Variants in DACH1 observed in about 807,000 individuals in gnomAD.
DACH1 encodes dachshund family transcription factor 1.
DACH1 carries 12 observed loss-of-function variants against 54.2 expected under a neutral mutation model. The observed-to-expected ratio is 0.22, with a 90% CI of 0.14 to 0.36. The LOEUF (loss-of-function observed/expected upper bound fraction) is 0.36, where lower values mean the gene tolerates loss of function less well. DACH1 is among the 10% of genes least tolerant of loss of function. DACH1 has a pLI of 1.00. For missense variants in DACH1, 805 were observed against 929.8 expected, an observed-to-expected ratio of 0.87 and a Z score of 1.75; for synonymous variants, 386 against 366.2, an observed-to-expected ratio of 1.05 and a Z score of -0.62.
chr13:71,694,902 A>C (rs1405582476), intron 1 of DACH1, among the ~76,000 whole-genome samples: 1 of 152,200 alleles, frequency 6.6e-6, no homozygotes, highest in Admixed American at 6.5e-5. Context: ...TATTTCACTT[A>C]ATTCAAGAAA....
At chr13:71,603,144 C>T (rs945884063) in intron 3 of DACH1, among the ~76,000 whole-genome samples, 1 of 151,882 alleles carries the variant, frequency 6.6e-6, no homozygotes, top group African/African-American at 2.4e-5. Flanking sequence ...TCACCACAAT[C>T]GTTGCTTTTT....
chr13:71,499,122 CACACACACACGCAG>C (rs1349114289), intron 6 of DACH1, among the ~76,000 whole-genome samples: 21 of 84,386 alleles, frequency 2.5e-4, no homozygotes, highest in African/African-American at 7.5e-4. Context: ...CACACACACA[CACACACACACGCAG>C]ACACACACAC....
chr13:71,461,185 G>A (rs2138139411), intron 10 of DACH1, among the ~76,000 whole-genome samples: 1 of 152,000 alleles, frequency 6.6e-6, no homozygotes, highest in South Asian at 2.1e-4. Context: ...TTTATCCTTT[G>A]CAATATTTAT....
At chr13:71,643,513 T>C (rs1878053110) in intron 2 of DACH1, among the ~76,000 whole-genome samples, 1 of 152,234 alleles carries the variant, frequency 6.6e-6, no homozygotes, top group South Asian at 2.1e-4. Context: ...ACGGAGTCTG[T>C]TGCATTATTC....
chr13:71,656,192 G>C (rs991218062), intron 2 of DACH1, among the ~76,000 whole-genome samples: 1 of 152,066 alleles, frequency 6.6e-6, no homozygotes, highest in African/African-American at 2.4e-5. Flanking sequence ...AACTACTTCA[G>C]ATGAGCCTTA....
At chr13:71,843,907 T>G (rs1873050645) in intron 1 of DACH1, among the ~76,000 whole-genome samples, 1 of 152,156 alleles carries the variant, frequency 6.6e-6, no homozygotes, top group Non-Finnish European at 1.5e-5. Context: ...TTATCAATAT[T>G]TAAATGAGCA....
intron 1 of DACH1, among the ~76,000 whole-genome samples, chr13:71,854,873 A>C (rs954938466): frequency 6.6e-6 from 1 of 152,092 alleles, no homozygotes; most frequent in African/African-American, 2.4e-5. Flanking sequence ...CAAAGAACTG[A>C]TATGATTTTT....
chr13:71,717,695 C>T (rs1446109487), intron 1 of DACH1, among the ~76,000 whole-genome samples: 1 of 151,920 alleles, frequency 6.6e-6, no homozygotes, highest in African/African-American at 2.4e-5. Flanking sequence ...AAAAAAAAAT[C>T]TAGTTTTCTT....
chr13:71,681,574 A>G (rs1008825958), intron 2 of DACH1, among the ~76,000 whole-genome samples: 1 of 152,222 alleles, frequency 6.6e-6, no homozygotes, highest in East Asian at 1.9e-4. Flanking sequence ...AATTAAAATA[A>G]TTTCTAGCAC....
chr13:71,797,213 C>T (rs535205527), intron 1 of DACH1, among the ~76,000 whole-genome samples: 26 of 152,170 alleles, frequency 1.7e-4, no homozygotes, highest in South Asian at 4.2e-4. Flanking sequence ...TTAATATACA[C>T]GCACTTTAGC....
At chr13:71,713,991 TATC>T in intron 1 of DACH1, among the ~76,000 whole-genome samples, 1 of 152,196 alleles carries the variant, frequency 6.6e-6, no homozygotes, top group Non-Finnish European at 1.5e-5. Flanking sequence ...AAAGTTATTC[TATC>T]ATTACTTGAA....
intron 10 of DACH1, among the ~76,000 whole-genome samples, chr13:71,461,559 T>C (rs1248675941): frequency 6.6e-6 from 1 of 151,994 alleles, no homozygotes; most frequent in African/African-American, 2.4e-5. Flanking sequence ...AGAGAATAAA[T>C]ATGGTACTAC....
At chr13:71,660,955 G>A (rs12100364) in intron 2 of DACH1, among the ~76,000 whole-genome samples, 12,364 of 149,360 alleles carry the variant, frequency 0.083, 1,369 homozygotes, top group African/African-American at 0.26. Flanking sequence ...GAGTATTATG[G>A]ATAAAGTGAT....
chr13:71,591,899 T>C (rs1873736630), intron 3 of DACH1, among the ~76,000 whole-genome samples: 1 of 152,268 alleles, frequency 6.6e-6, no homozygotes, highest in Admixed American at 6.5e-5. Flanking sequence ...AGCCATTGTA[T>C]CACTGCCATG....
At chr13:71,647,063 A>G (rs1878331562) in intron 2 of DACH1, among the ~76,000 whole-genome samples, 1 of 152,236 alleles carries the variant, frequency 6.6e-6, no homozygotes, top group African/African-American at 2.4e-5. Context: ...ACAGACTTAT[A>G]ATATTTAAAT....
In DACH1 at chr13:71,666,973, T is replaced by C. The variant is rs1312415041; in HGVS notation, c.964+14822A>G. 2.6e-5 allele frequency among the ~76,000 whole-genome samples: 4 copies of C among 152,048 alleles called. No individual in the cohort carries two copies. In the East Asian group the frequency reaches 7.7e-4, roughly 29 times the overall value. On this transcript the variant is annotated intron_variant, in intron 2 of 10. Transcript: ENST00000613252. ...CTTGGGCAACAAGAGCAAAACTCTA[T>C]CTCAAAATAATAAATAAATAAAAAT...
intron 6 of DACH1, among the ~76,000 whole-genome samples, chr13:71,517,937 C>A (rs1471031271): frequency 1.3e-5 from 2 of 151,818 alleles, no homozygotes; most frequent in African/African-American, 4.8e-5. Context: ...ATGGAAATAA[C>A]CTCAGTTTTA....
intron 6 of DACH1, among the ~76,000 whole-genome samples, chr13:71,546,230 C>G (rs1883456491): frequency 6.6e-6 from 1 of 151,988 alleles, no homozygotes; most frequent in Non-Finnish European, 1.5e-5. Flanking sequence ...GATTGTCAGA[C>G]TGATTTACCT....
intron 6 of DACH1, among the ~76,000 whole-genome samples, chr13:71,538,489 C>T (rs1463476277): frequency 6.6e-6 from 1 of 151,758 alleles, no homozygotes; most frequent in African/African-American, 2.4e-5. Flanking sequence ...GAATTCTGAG[C>T]AAGGAAAAGG....
Sources: allele counts gnomAD v4.1 joint callset (sites outside exome capture counted in the v4.1 genomes callset), GRCh38; gene constraint gnomAD v4.1.1; transcripts MANE v1.5; gene names NCBI Gene and HGNC (gene_info 2026-07-23, HGNC 2026-07-21).